TTLL11: variants seen among roughly 807,000 people sequenced by gnomAD.
The protein encoded by TTLL11 is tubulin tyrosine ligase like 11.
TTLL11 carries 42 observed loss-of-function variants against 51.7 expected under a neutral mutation model. The ratio of observed to expected loss-of-function variants is 0.81; its 90% confidence interval spans 0.64 to 1.05. The LOEUF is 1.05. Among genes scored for constraint, TTLL11 ranks in the 50% least tolerant of loss-of-function variants. TTLL11 has a pLI of 0.00. For synonymous variants in TTLL11, 381 were observed against 383.5 expected, an observed-to-expected ratio of 0.99 and a Z score of 0.08; for missense variants, 799 against 940.4, an observed-to-expected ratio of 0.85 and a Z score of 1.97.
chr9:121,842,689 C>T (rs1356679369), intron 8 of TTLL11, among the ~76,000 whole-genome samples: 1 of 152,114 alleles, frequency 6.6e-6, no homozygotes, highest in Non-Finnish European at 1.5e-5. Flanking sequence ...CTTGGGTAAC[C>T]TGGGCATTTT....
intron 6 of TTLL11, among the ~76,000 whole-genome samples, chr9:121,941,045 A>C (rs1564316829): frequency 6.6e-6 from 1 of 151,976 alleles, no homozygotes; most frequent in Non-Finnish European, 1.5e-5. Flanking sequence ...GTTCACATCC[A>C]TTTTTCTCCA....
chr9:121,985,079 G>A (rs1416462274), intron 4 of TTLL11, among the ~76,000 whole-genome samples: 1 of 152,166 alleles, frequency 6.6e-6, no homozygotes, highest in Non-Finnish European at 1.5e-5. Context: ...TTCCCAAGTA[G>A]TTATTGTGGC....
chr9:122,079,282 G>T (rs962753208), intron 1 of TTLL11, among the ~76,000 whole-genome samples: 1 of 151,982 alleles, frequency 6.6e-6, no homozygotes, highest in African/African-American at 2.4e-5. Flanking sequence ...GGTATGAAGT[G>T]GTATTTCACT....
At chr9:121,938,504 A>G (rs760768718) in intron 6 of TTLL11, among the ~76,000 whole-genome samples, 3 of 152,188 alleles carry the variant, frequency 2.0e-5, no homozygotes, top group Non-Finnish European at 2.9e-5. Flanking sequence ...GACAAATTAT[A>G]GCCTAAGAGA....
At chr9:121,978,857 G>T (rs975050838) in intron 4 of TTLL11, among the ~76,000 whole-genome samples, 2 of 152,124 alleles carry the variant, frequency 1.3e-5, no homozygotes, top group African/African-American at 4.8e-5. Context: ...ATCCCCAACT[G>T]GGAGGTCCTA....
chr9:122,026,583 T>A (rs1844350491), intron 3 of TTLL11, among the ~76,000 whole-genome samples: 1 of 152,192 alleles, frequency 6.6e-6, no homozygotes, highest in South Asian at 2.1e-4. Flanking sequence ...AAACTGTACA[T>A]TCTAAATATC....
At chr9:121,869,968 T>C (rs1838301209) in intron 7 of TTLL11, among the ~76,000 whole-genome samples, 1 of 152,252 alleles carries the variant, frequency 6.6e-6, no homozygotes, top group Non-Finnish European at 1.5e-5. Flanking sequence ...TCTCATGCTT[T>C]ATCTTGAAAA....
At chr9:122,086,316 TTA>T (rs1167160851) in intron 1 of TTLL11, among the ~76,000 whole-genome samples, 1 of 152,228 alleles carries the variant, frequency 6.6e-6, no homozygotes, top group African/African-American at 2.4e-5. Context: ...ATTGTGATTT[TTA>T]TGTTATGACA....
intron 2 of TTLL11, among the ~76,000 whole-genome samples, chr9:122,033,517 G>A (rs945459792): frequency 2.6e-5 from 4 of 152,150 alleles, no homozygotes; most frequent in South Asian, 2.1e-4. Context: ...CTAGAAATGT[G>A]CTTGGCAAAG....
chr9:122,081,425 G>A (rs906791551), intron 1 of TTLL11, among the ~76,000 whole-genome samples: 3 of 152,230 alleles, frequency 2.0e-5, no homozygotes, highest in African/African-American at 7.2e-5. Flanking sequence ...GATGCCCCAT[G>A]TGACAGAACT....
At chr9:122,039,029 T>A (rs930866226) in intron 2 of TTLL11, among the ~76,000 whole-genome samples, 11 of 152,220 alleles carry the variant, frequency 7.2e-5, no homozygotes, top group Admixed American at 4.6e-4. Context: ...CCATATTATA[T>A]GCATAACCCA....
intron 8 of TTLL11, among the ~76,000 whole-genome samples, chr9:121,837,125 A>G (rs1218408397): frequency 2.6e-5 from 4 of 152,206 alleles, no homozygotes; most frequent in Non-Finnish European, 4.4e-5. Context: ...GACTGTATAG[A>G]ATTCCATAGT....
intron 4 of TTLL11, among the ~76,000 whole-genome samples, chr9:121,986,070 C>G (rs544589288): frequency 1.1e-4 from 17 of 152,220 alleles, no homozygotes; most frequent in Non-Finnish European, 2.1e-4. Flanking sequence ...CGTCTCCCCC[C>G]ATGCTCCTCC....
chr9:121,994,285 C>T (rs1433474507), intron 3 of TTLL11, among the ~76,000 whole-genome samples: 1 of 152,110 alleles, frequency 6.6e-6, no homozygotes, highest in Non-Finnish European at 1.5e-5. Context: ...GTAGATAGTT[C>T]CGACGGCTGG....
chr9:122,076,740 A>C (rs1845871563), intron 1 of TTLL11, among the ~76,000 whole-genome samples: 1 of 151,450 alleles, frequency 6.6e-6, no homozygotes, highest in Non-Finnish European at 1.5e-5. Flanking sequence ...AAGGCCTAAC[A>C]CCTAAATCAG....
In TTLL11 at chr9:121,982,590, C is replaced by T. The variant is rs560022007; in HGVS notation, c.1269+6605G>A. Among the ~76,000 whole-genome samples the T allele has an allele frequency of 2.6e-4, 40 of 151,746 alleles. No homozygotes were observed. The South Asian group carries it at 7.7e-3, about 29-fold the overall frequency. The stretch of plus-strand genomic sequence containing the variant: ...TTTAAAAATTCTCTGGGCGTGGTGG[C>T]GGGTAGCTGTAATCCAGCTACTTGG... On this transcript the variant is annotated intron_variant, in intron 4 of 8. Coordinates refer to ENST00000321582, the MANE Select transcript of TTLL11 (RefSeq NM_001139442.2).
rs535242373 is a variant in TTLL11, at chr9:121,881,514, A to G, written c.1482-10766T>C. 3.3e-4 allele frequency among the ~76,000 whole-genome samples: 51 copies of G among 152,296 alleles called. 3 individuals carry two copies. The South Asian group carries it at 0.01, about 31-fold the overall frequency. On this transcript the variant is annotated intron_variant, in intron 6 of 8. Coordinates refer to ENST00000321582, the MANE Select transcript of TTLL11 (RefSeq NM_001139442.2). ...TCTGCACACTTTGTTAATTTCACTC[A>G]TCACTGACTGATTTGCTTTGAGGGC...
chr9:122,064,494 C>T (rs1260241044), intron 1 of TTLL11, among the ~76,000 whole-genome samples: 1 of 152,216 alleles, frequency 6.6e-6, no homozygotes, highest in Non-Finnish European at 1.5e-5. Context: ...ATTGGTTGCT[C>T]TCATGCTCAG....
At chr9:121,970,708 G>A (rs527530455) in intron 6 of TTLL11, among the ~76,000 whole-genome samples, 238 of 152,358 alleles carry the variant, frequency 1.6e-3, no homozygotes, top group African/African-American at 5.7e-3. Flanking sequence ...AACAGATGCT[G>A]GAGAGAATGT....
Sources: gnomAD v4.1 joint callset for allele counts (sites outside exome capture counted in the v4.1 genomes callset) on GRCh38, gnomAD v4.1.1 for gene constraint, MANE v1.5 for transcripts, NCBI Gene and HGNC (gene_info 2026-07-23, HGNC 2026-07-21) for gene names.